SCAI: variants seen among roughly 807,000 people sequenced by gnomAD.
SCAI encodes the protein suppressor of cancer cell invasion, also known as protein SCAI.
In SCAI, 24 loss-of-function variants were observed where a neutral mutation model predicts 92.2. The observed-to-expected ratio is 0.26, with a 90% confidence interval of 0.19 to 0.37. SCAI has a LOEUF of 0.37. SCAI is among the 10% of genes least tolerant of loss of function. The pLI, the probability that SCAI is intolerant of heterozygous loss-of-function variation, is 1.00. For missense variants in SCAI, 450 were observed against 736.2 expected, an observed-to-expected ratio of 0.61 and a Z score of 4.50; for synonymous variants, 261 against 258.6, an observed-to-expected ratio of 1.01 and a Z score of -0.09.
chr9:125,077,463 C>A (rs770266880), intron 2 of SCAI, among the ~76,000 whole-genome samples: 17 of 152,130 alleles, frequency 1.1e-4, no homozygotes, highest in Non-Finnish European at 2.1e-4. Flanking sequence ...TGGGGGTATA[C>A]CTCCTAGTAG....
intron 9 of SCAI, among the ~76,000 whole-genome samples, chr9:125,004,239 C>T (rs1452707341): frequency 6.6e-6 from 1 of 152,026 alleles, no homozygotes; most frequent in Non-Finnish European, 1.5e-5. Flanking sequence ...TTAACCTCCA[C>T]AGACTGGTGG....
intron 3 of SCAI, among the ~76,000 whole-genome samples, chr9:125,040,164 G>C (rs917798915): frequency 6.6e-6 from 1 of 151,950 alleles, no homozygotes; most frequent in Non-Finnish European, 1.5e-5. Context: ...AGACCAACCT[G>C]GGCAACATAG....
chr9:125,134,350 G>C (rs1185459367), intron 2 of SCAI, among the ~76,000 whole-genome samples: 3 of 152,122 alleles, frequency 2.0e-5, no homozygotes, highest in African/African-American at 7.2e-5. Flanking sequence ...ATTAATACAT[G>C]AGATTTTCCC....
intron 2 of SCAI, among the ~76,000 whole-genome samples, chr9:125,139,533 G>A (rs1328145486): frequency 6.6e-6 from 1 of 152,204 alleles, no homozygotes; most frequent in Non-Finnish European, 1.5e-5. Context: ...AATTCATCTT[G>A]AAGGTTCACC....
chr9:125,125,596 A>C (rs535477392), intron 2 of SCAI, among the ~76,000 whole-genome samples: 1 of 152,082 alleles, frequency 6.6e-6, no homozygotes, highest in East Asian at 1.9e-4. Flanking sequence ...TCTTAAGGCC[A>C]AGGTGGGTGA....
intron 1 of SCAI, 109 bp downstream of exon 1, chr9:125,143,276 C>T: frequency 1.5e-6 from 1 of 653,450 alleles, no homozygotes. Context: ...ACCCCCCGCC[C>T]CTCCGGTCTC....
chr9:124,980,714 TG>T (rs1445215678), intron 14 of SCAI, among the ~76,000 whole-genome samples: 1 of 152,204 alleles, frequency 6.6e-6, no homozygotes, highest in Admixed American at 6.5e-5. Context: ...AGAGGGCCCC[TG>T]GAAGTTTGTA....
chr9:125,140,731 C>A (rs890495826), intron 2 of SCAI, among the ~76,000 whole-genome samples: 1 of 147,482 alleles, frequency 6.8e-6, no homozygotes, highest in East Asian at 2.0e-4. Flanking sequence ...AGGTGTCAGG[C>A]GCTTGTAGTC....
rs1831236179 is a variant in SCAI, at chr9:124,951,519, AAATTTAGAGTAT to A, written c.*1276_*1287del. 1 of 152,192 alleles carries A rather than the reference AAATTTAGAGTAT, an allele frequency of 6.6e-6. No individual in the cohort carries two copies. Among genetic ancestry groups the A allele is most frequent in the Non-Finnish European group, 1.5e-5 (1 of 68,050 alleles). The allele number at this position is 152,192 out of a possible 1,614,324, so 9.4% of individuals were successfully genotyped here. A position where few individuals can be genotyped will look rare whatever the true frequency, so the allele number is the denominator to read the frequency against. On this transcript the variant is annotated 3_prime_UTR_variant, in exon 18 of 18. Transcript: ENST00000336505. ...AGACTCTGTTTCAAAAAAAATAAATAAATTTAGAGTATAATTTACCTAGGGCCATGGGAAAGA... is the reference window on the plus strand; with the variant it reads ...AGACTCTGTTTCAAAAAAAATAAATAAATTTACCTAGGGCCATGGGAAAGA...
intron 9 of SCAI, among the ~76,000 whole-genome samples, chr9:125,016,445 T>G (rs1195909432): frequency 6.6e-6 from 1 of 150,692 alleles, no homozygotes; most frequent in East Asian, 1.9e-4. Context: ...TCTAAGCAAA[T>G]TAAATTCAAA....
intron 2 of SCAI, chr9:125,142,269 T>C (rs2131280870): frequency 5.4e-6 from 1 of 185,364 alleles, no homozygotes; most frequent in African/African-American, 2.4e-5. Context: ...CCCAAAGAGC[T>C]GGGATTGAAG....
At chr9:124,960,103 A>C (rs1243391188) in intron 17 of SCAI, among the ~76,000 whole-genome samples, 1 of 152,208 alleles carries the variant, frequency 6.6e-6, no homozygotes, top group Non-Finnish European at 1.5e-5. Flanking sequence ...TCCCTGAGGA[A>C]TCACTGCAAT....
intron 2 of SCAI, among the ~76,000 whole-genome samples, chr9:125,112,860 T>G (rs1834959141): frequency 1.3e-5 from 2 of 152,110 alleles, no homozygotes; most frequent in Non-Finnish European, 2.9e-5. Flanking sequence ...ATCATGACAA[T>G]GGTATGTCAA....
At chr9:125,022,817 C>T (rs750714581) in intron 6 of SCAI, among the ~76,000 whole-genome samples, 18 of 152,082 alleles carry the variant, frequency 1.2e-4, no homozygotes, top group Non-Finnish European at 1.8e-4. Context: ...TTTTACTTAC[C>T]ATGATTCGGA....
intron 17 of SCAI, among the ~76,000 whole-genome samples, chr9:124,959,413 G>A (rs1187173055): frequency 6.7e-6 from 1 of 149,928 alleles, no homozygotes; most frequent in East Asian, 1.9e-4. Context: ...AAAGCTACTG[G>A]TGGGAATGTA....
intron 2 of SCAI, among the ~76,000 whole-genome samples, chr9:125,107,261 T>C (rs1834819819): frequency 6.6e-6 from 1 of 151,568 alleles, no homozygotes; most frequent in Non-Finnish European, 1.5e-5. Context: ...ATACAAAAAT[T>C]AGCCAAGGGT....
chr9:125,019,077 T>C (rs772091680), intron 8 of SCAI, 30 bp downstream of exon 8: 47 of 1,545,336 alleles, frequency 3.0e-5, no homozygotes, highest in Non-Finnish European at 4.2e-5. Flanking sequence ...TATTTATCAA[T>C]AATTATGATT....
At chr9:124,963,673 C>T (rs1181637934) in intron 17 of SCAI, among the ~76,000 whole-genome samples, 1 of 150,182 alleles carries the variant, frequency 6.7e-6, no homozygotes, top group Non-Finnish European at 1.5e-5. Flanking sequence ...TCTCTTGAAC[C>T]CCGGAGGTGC....
intron 17 of SCAI, among the ~76,000 whole-genome samples, chr9:124,969,236 C>T (rs973930653): frequency 5.3e-5 from 8 of 152,212 alleles, no homozygotes; most frequent in East Asian, 1.9e-4. Context: ...TGAGCCACTG[C>T]GCCTGGCCCA....
Sources: allele counts gnomAD v4.1 joint callset (sites outside exome capture counted in the v4.1 genomes callset), GRCh38; gene constraint gnomAD v4.1.1; transcripts MANE v1.5; gene names NCBI Gene and HGNC (gene_info 2026-07-23, HGNC 2026-07-21).